The following SERPINB7 variants were observed in gnomAD, a reference collection of about 807,000 sequenced individuals.
SERPINB7 encodes serpin family B member 7, also known as serpin B7.
A neutral mutation model predicts 37.4 loss-of-function variants in SERPINB7; 31 were observed. The observed-to-expected ratio is 0.83, with a 90% CI of 0.62 to 1.12. The LOEUF (loss-of-function observed/expected upper bound fraction) is 1.12. Ranked by LOEUF, SERPINB7 falls within the 50% of genes most tolerant of loss-of-function variation. SERPINB7 has a pLI of 0.00. For synonymous variants in SERPINB7, 163 were observed against 166.1 expected (o/e 0.98, Z 0.14); for missense variants, 521 against 455.3 (o/e 1.14, Z -1.31).
At chr18:63,762,665 T>A (rs1250892450) in intron 1 of SERPINB7, among the ~76,000 whole-genome samples, 1 of 152,156 alleles carries the variant, frequency 6.6e-6, no homozygotes, top group Non-Finnish European at 1.5e-5. Context: ...CTAACAAGAG[T>A]TAGAAGGCCT....
intron 1 of SERPINB7, among the ~76,000 whole-genome samples, chr18:63,758,563 C>A (rs927943612): frequency 6.6e-6 from 1 of 152,068 alleles, no homozygotes; most frequent in Non-Finnish European, 1.5e-5. Context: ...GTATCTGGCC[C>A]CTGGAGAGGT....
intron 6 of SERPINB7, among the ~76,000 whole-genome samples, chr18:63,800,548 C>A (rs2049536434): frequency 1.3e-5 from 2 of 152,184 alleles, no homozygotes; most frequent in Admixed American, 1.3e-4. Context: ...TTCACATAAT[C>A]CTCACAACAA....
At chr18:63,774,131 C>A (rs192816190), upstream of SERPINB7, among the ~76,000 whole-genome samples, 1 of 152,064 alleles carries the variant, frequency 6.6e-6, no homozygotes, top group African/African-American at 2.4e-5. Flanking sequence ...TCAGAAAGTT[C>A]ACCACAACTG....
At chr18:63,758,245 G>A (rs2049132744) in intron 1 of SERPINB7, among the ~76,000 whole-genome samples, 1 of 152,138 alleles carries the variant, frequency 6.6e-6, no homozygotes, top group Non-Finnish European at 1.5e-5. Context: ...ATTTTTAGTA[G>A]CGTTGTTACC....
intron 3 of SERPINB7, among the ~76,000 whole-genome samples, chr18:63,792,826 G>T (rs1292287100): frequency 6.6e-6 from 1 of 151,928 alleles, no homozygotes; most frequent in Non-Finnish European, 1.5e-5. Context: ...GGCCATATTT[G>T]GGCAAGAAAG....
rs113114751 is a variant in SERPINB7 at position 63,779,772 on chromosome 18, A to T, written c.-18-2583A>T. 5.7e-4 allele frequency among the ~76,000 whole-genome samples: 87 copies of T among 152,218 alleles called. 1 individual carries two copies. The highest frequency in any genetic ancestry group is 2.1e-3 in the African/African-American group (86 of 41,570). On this transcript the variant is annotated intron_variant, in intron 1 of 7. Coordinates refer to ENST00000398019, the MANE Select transcript of SERPINB7 (RefSeq NM_003784.4). ...ATTATAATTTCATCAATAATTTACC[A>T]TGGAAATAGGAAGCCTGAAATTTTA...
At chr18:63,769,099 T>G (rs1247291628) in intron 1 of SERPINB7, among the ~76,000 whole-genome samples, 2 of 152,154 alleles carry the variant, frequency 1.3e-5, no homozygotes, top group African/African-American at 4.8e-5. Flanking sequence ...TCTTTCTTTT[T>G]CCTTGGGTAA....
upstream of SERPINB7, among the ~76,000 whole-genome samples, chr18:63,774,497 G>A (rs1386863602): frequency 2.6e-5 from 4 of 152,158 alleles, no homozygotes; most frequent in East Asian, 5.8e-4. Context: ...ATGATGCTAC[G>A]GCCAGAAACT....
chr18:63,770,258 G>C (rs1004417163), intron 1 of SERPINB7, among the ~76,000 whole-genome samples: 1 of 151,232 alleles, frequency 6.6e-6, no homozygotes, highest in African/African-American at 2.4e-5. Flanking sequence ...TATTATAGCT[G>C]CAGGGTGTGG....
At chr18:63,786,142 T>TAC (rs55971632) in intron 2 of SERPINB7, among the ~76,000 whole-genome samples, 5,388 of 45,966 alleles carry the variant, frequency 0.12, 969 homozygotes, top group South Asian at 0.22. Context: ...TATACATATA[T>TAC]ACACACACAC....
intron 1 of SERPINB7, chr18:63,778,284 A>G (rs2049269998): frequency 6.6e-6 from 1 of 152,160 alleles, no homozygotes; most frequent in African/African-American, 2.4e-5. Flanking sequence ...AAAATTTGAA[A>G]CTATGTTTTT....
chr18:63,793,344 G>A, intron 4 of SERPINB7, 67 bp downstream of exon 4: 1 of 828,100 alleles, frequency 1.2e-6, no homozygotes, highest in Admixed American at 2.2e-5. Context: ...ACAAAGGCTT[G>A]TGTCTTTCTA....
At chr18:63,795,303 G>A (rs1267505913) in intron 4 of SERPINB7, among the ~76,000 whole-genome samples, 3 of 152,158 alleles carry the variant, frequency 2.0e-5, no homozygotes, top group East Asian at 1.9e-4. Context: ...GCTCATGCCT[G>A]TAATCCCAGC....
At chr18:63,780,954 T>G (rs1009113855) in intron 1 of SERPINB7, among the ~76,000 whole-genome samples, 1 of 152,236 alleles carries the variant, frequency 6.6e-6, no homozygotes, top group African/African-American at 2.4e-5. Context: ...TGCAGCAGCT[T>G]CAACTCATTG....
At chr18:63,764,966 T>C (rs2144589156) in intron 1 of SERPINB7, among the ~76,000 whole-genome samples, 1 of 152,332 alleles carries the variant, frequency 6.6e-6, no homozygotes, top group South Asian at 2.1e-4. Flanking sequence ...TATTTTTCAC[T>C]ATGTAAACAT....
chr18:63,769,359 A>T (rs2049197600), intron 1 of SERPINB7, among the ~76,000 whole-genome samples: 1 of 151,960 alleles, frequency 6.6e-6, no homozygotes, highest in East Asian at 1.9e-4. Flanking sequence ...CTATTTTCCC[A>T]CTTATTATAA....
intron 1 of SERPINB7, among the ~76,000 whole-genome samples, chr18:63,761,164 C>A (rs568640466): frequency 6.6e-6 from 1 of 152,222 alleles, no homozygotes; most frequent in Non-Finnish European, 1.5e-5. Context: ...ACCATGGAAA[C>A]CCACCTCTTG....
At chr18:63,768,104 T>G (rs1191157826) in intron 1 of SERPINB7, among the ~76,000 whole-genome samples, 1 of 152,102 alleles carries the variant, frequency 6.6e-6, no homozygotes, top group Non-Finnish European at 1.5e-5. Context: ...ATTGATTAAT[T>G]TAGGAAATTA....
intron 7 of SERPINB7, among the ~76,000 whole-genome samples, chr18:63,803,584 C>A (rs927121526): frequency 6.6e-6 from 1 of 152,186 alleles, no homozygotes; most frequent in Non-Finnish European, 1.5e-5. Flanking sequence ...GAGATAAGGA[C>A]TCTTCTAGCT....
Sources: gnomAD v4.1 joint callset for allele counts (sites outside exome capture counted in the v4.1 genomes callset) on GRCh38, gnomAD v4.1.1 for gene constraint, MANE v1.5 for transcripts, NCBI Gene and HGNC (gene_info 2026-07-23, HGNC 2026-07-21) for gene names.